NSUN4: variants seen among roughly 807,000 people sequenced by gnomAD.
NSUN4 encodes 5-cytosine rRNA methyltransferase NSUN4.
NSUN4 carries 31 observed loss-of-function variants against 43.8 expected under a neutral mutation model. That is an observed-to-expected ratio of 0.71 (90% CI 0.53 to 0.96). The LOEUF is 0.96. Among genes scored for constraint, NSUN4 ranks in the 40% least tolerant of loss-of-function variants. The pLI is 0.00. For missense variants in NSUN4, 439 were observed against 475.6 expected, an observed-to-expected ratio of 0.92 and a Z score of 0.72; for synonymous variants, 167 against 184.1, an observed-to-expected ratio of 0.91 and a Z score of 0.75.
intron 4 of NSUN4, among the ~76,000 whole-genome samples, chr1:46,357,068 T>G (rs1268320151): frequency 6.6e-6 from 1 of 152,242 alleles, no homozygotes; most frequent in East Asian, 1.9e-4. Context: ...GATGTGAAGA[T>G]GCATGTGCCA....
intron 2 of NSUN4, chr1:46,345,423 G>T: frequency 2.7e-6 from 1 of 371,524 alleles, no homozygotes; most frequent in South Asian, 4.0e-5. Context: ...CCCTCAGATG[G>T]TAAGTGGTGT....
At chr1:46,341,210 G>A in intron 1 of NSUN4, 1 of 1,150,264 alleles carries the variant, frequency 8.7e-7, no homozygotes, top group South Asian at 2.7e-5. Context: ...CCCCAGCTGT[G>A]TCCACCTACC....
At chr1:46,367,438 T>G (rs987620164), downstream of NSUN4, among the ~76,000 whole-genome samples, 2 of 152,216 alleles carry the variant, frequency 1.3e-5, no homozygotes, top group Non-Finnish European at 2.9e-5. Context: ...ATTATAAAAC[T>G]TTGAAAGAGT....
the NSUN4 span, among the ~76,000 whole-genome samples, chr1:46,382,615 T>A: frequency 3.3e-5 from 5 of 152,006 alleles, no homozygotes; most frequent in Non-Finnish European, 4.4e-5. Context: ...TCTTTTTTTT[T>A]TTTTTTGAGA....
Position 46,363,764 on chromosome 1 carries a change from T to G in NSUN4, c.*1918T>G, listed in dbSNP as rs368810785. 2 of 152,506 alleles carry G rather than the reference T, an allele frequency of 1.3e-5. No individual in the cohort carries two copies. Among genetic ancestry groups the G allele is most frequent in the African/African-American group, 4.8e-5 (2 of 41,412 alleles). 9.4% of individuals were successfully genotyped at this position (152,506 alleles called of 1,614,324 possible). On this transcript the variant is annotated 3_prime_UTR_variant, in exon 6 of 6. Transcript: ENST00000474844. ...CTGGAATATTCACATAATAGAACAT[T>G]ATACAATTGTCAAATGAACTATAAT... is the stretch of plus-strand genomic sequence containing the variant.
intron 3 of NSUN4, among the ~76,000 whole-genome samples, chr1:46,348,004 A>G (rs1366327819): frequency 1.3e-5 from 2 of 150,842 alleles, no homozygotes; most frequent in South Asian, 4.2e-4. Context: ...CAGCCTCCCT[A>G]CTAGCTAGGA....
At chr1:46,365,118 ACTT>A (rs1664102494), downstream of NSUN4, 1 of 152,052 alleles carries the variant, frequency 6.6e-6, no homozygotes, top group South Asian at 2.1e-4. Context: ...TTGGTGTTTG[ACTT>A]CTTTGACTTA....
downstream of NSUN4, among the ~76,000 whole-genome samples, chr1:46,367,850 C>T (rs750828995): frequency 2.7e-5 from 4 of 148,322 alleles, no homozygotes; most frequent in South Asian, 2.1e-4. Flanking sequence ...CTGCAACCTC[C>T]GCCTCCCAGG....
chr1:46,342,903 C>A, intron 1 of NSUN4: 1 of 400,086 alleles, frequency 2.5e-6, no homozygotes, highest in Non-Finnish European at 4.4e-6. Context: ...CCTCTCTGGT[C>A]CTTCTTGTAT....
chr1:46,350,647 G>A (rs1431653625), intron 3 of NSUN4, among the ~76,000 whole-genome samples: 1 of 152,178 alleles, frequency 6.6e-6, no homozygotes, highest in Non-Finnish European at 1.5e-5. Flanking sequence ...ATTAGGTTTG[G>A]TTGCATTTGA....
At chr1:46,381,492 C>T in the NSUN4 span, among the ~76,000 whole-genome samples, 5 of 152,214 alleles carry the variant, frequency 3.3e-5, no homozygotes, top group Admixed American at 6.5e-5. Flanking sequence ...ATTTAATATG[C>T]GCCCAGGGAG....
intron 3 of NSUN4, 120 bp downstream of exon 3, chr1:46,347,195 T>C (rs909913027): frequency 3.7e-6 from 4 of 1,092,018 alleles, no homozygotes; most frequent in East Asian, 5.2e-5. Context: ...CCCAGCACTT[T>C]GGGAAGCCGA....
At chr1:46,376,970 C>T in the NSUN4 span, among the ~76,000 whole-genome samples, 1 of 151,880 alleles carries the variant, frequency 6.6e-6, no homozygotes, top group African/African-American at 2.4e-5. Context: ...GTTGGCTATA[C>T]TGATCTCAAA....
chr1:46,376,373 C>CACTCT, the NSUN4 span, among the ~76,000 whole-genome samples: 1 of 151,132 alleles, frequency 6.6e-6, no homozygotes, highest in Non-Finnish European at 1.5e-5. Flanking sequence ...CACACCACTG[C>CACTCT]ACTCTAGTCT....
Position 46,346,935 on chromosome 1 carries a change from G to A in NSUN4, c.452G>A (p.Gly151Asp), listed in dbSNP as rs758717681. The A allele has an allele frequency of 6.2e-7, 1 of 1,613,630 alleles. No individual in the cohort carries two copies. The highest frequency in any genetic ancestry group is 1.1e-5 in the South Asian group (1 of 91,010). Reference sequence around the variant, plus strand: ...CTCTTTTCCAGACCTGGCAGCCTGGGTGTCATGGAGTACTACCTGATGGAT... The same window carrying A: ...CTCTTTTCCAGACCTGGCAGCCTGGATGTCATGGAGTACTACCTGATGGAT... ...RFPPARPGSLGVMEYYLMDAA... is the reference protein window; with the variant it reads ...RFPPARPGSLDVMEYYLMDAA... Residue 151 changes from glycine to aspartate, a missense_variant, in exon 3 of 6, where the codon GGT becomes GAT. Transcript: ENST00000474844.
chr1:46,360,056 C>T (rs766755795), intron 4 of NSUN4, among the ~76,000 whole-genome samples: 32 of 149,892 alleles, frequency 2.1e-4, no homozygotes, highest in South Asian at 4.3e-4. Flanking sequence ...GGTGAAACCC[C>T]GGCTCTACTA....
At position 46,348,808 on chromosome 1, in the gene NSUN4, G is replaced by GTT. The variant is rs869234807; in HGVS notation, c.592+1756_592+1757dup. On this transcript the variant is annotated intron_variant, in intron 3 of 5. Coordinates refer to ENST00000474844, the MANE Select transcript of NSUN4 (RefSeq NM_199044.4). The stretch of plus-strand genomic sequence containing the variant: ...TAGCCCAGCGAAGGCCTTGTGCACT[G>GTT]TTTTTTTTTTTTTTTTTTTTTTTTG... Among the ~76,000 whole-genome samples the GTT allele has an allele frequency of 2.4e-3, 187 of 77,864 alleles. 17 individuals carry two copies. Among genetic ancestry groups the GTT allele is most frequent in the African/African-American group, 6.5e-3 (125 of 19,292 alleles). The allele number at this position is 77,864 out of a possible 152,430, so 51.1% of individuals were successfully genotyped here.
At chr1:46,357,430 G>A (rs766060820) in intron 4 of NSUN4, among the ~76,000 whole-genome samples, 21 of 152,324 alleles carry the variant, frequency 1.4e-4, no homozygotes, top group Non-Finnish European at 2.8e-4. Context: ...CCATCCGCCC[G>A]CCTTGGCCTC....
At chr1:46,347,164 G>T (rs1204023779) in intron 3 of NSUN4, 89 bp downstream of exon 3, 3 of 1,365,394 alleles carry the variant, frequency 2.2e-6, no homozygotes, top group East Asian at 2.5e-5. Context: ...TCGGCCAGGC[G>T]CAGTGGCTCC....
Sources: gnomAD v4.1 joint callset for allele counts (sites outside exome capture counted in the v4.1 genomes callset) on GRCh38, gnomAD v4.1.1 for gene constraint, MANE v1.5 for transcripts, NCBI Gene and HGNC (gene_info 2026-07-23, HGNC 2026-07-21) for gene names.